XPO1: variants seen among roughly 807,000 people sequenced by gnomAD.
The protein encoded by XPO1 is exportin 1.
A neutral mutation model predicts 133.3 loss-of-function variants in XPO1; 5 were observed. The observed-to-expected ratio is 0.04, with a 90% CI of 0.02 to 0.08. The LOEUF is 0.08. XPO1 is among the 10% of genes least tolerant of loss of function. XPO1 has a pLI of 1.00. For synonymous variants in XPO1, 419 were observed against 408.2 expected (o/e 1.03, Z -0.32); for missense variants, 506 against 1,267.5 (o/e 0.40, Z 9.12).
intron 23 of XPO1, 120 bp downstream of exon 23, chr2:61,482,260 T>G: frequency 1.1e-6 from 1 of 900,928 alleles, no homozygotes; most frequent in Non-Finnish European, 1.7e-6. Flanking sequence ...TCTAGGTTGG[T>G]CTCCAACTTT....
intron 12 of XPO1, chr2:61,493,305 G>C: frequency 3.0e-6 from 1 of 331,920 alleles, no homozygotes; most frequent in Non-Finnish European, 5.4e-6. Context: ...GGGGCTTAAA[G>C]CACAACAGAA....
chr2:61,490,903 C>T, intron 16 of XPO1, 127 bp from the exon 17 acceptor site: 1 of 1,182,922 alleles, frequency 8.5e-7, no homozygotes, highest in South Asian at 1.5e-5. Flanking sequence ...TCCTGTAATC[C>T]CAATACTTTG....
At chr2:61,534,155 T>C in intron 1 of XPO1, 1 of 304,408 alleles carries the variant, frequency 3.3e-6, no homozygotes, top group East Asian at 5.9e-5. Context: ...AGGAAGACTT[T>C]CCTATTCTAC....
In XPO1 at chr2:61,528,733, TTATATATATA is replaced by T. The variant is rs10528074; in HGVS notation, c.127-2222_127-2213del. 9.9e-3 allele frequency among the ~76,000 whole-genome samples: 1,142 copies of T among 115,600 alleles called. 15 individuals carry two copies. The highest frequency in any genetic ancestry group is 0.021 in the East Asian group (89 of 4,166). The allele number at this position is 115,600 out of a possible 152,430, so 75.8% of individuals were successfully genotyped here. A position where few individuals can be genotyped will look rare whatever the true frequency, so the allele number is the denominator to read the frequency against. ...AGATCCAGCCATGTCGACATTTTAT[TTATATATATA>T]TATATATATATATATATATATATAT... On this transcript the variant is annotated intron_variant, in intron 2 of 24. Transcript: ENST00000401558.
At position 61,496,917 on chromosome 2, in the gene XPO1, C is replaced by T. The variant is rs1697267770; in HGVS notation, c.850G>A (p.Val284Ile). 1 of 1,611,768 alleles carries T rather than the reference C, an allele frequency of 6.2e-7. No homozygotes were observed. Among genetic ancestry groups the T allele is most frequent in the Non-Finnish European group, 8.5e-7 (1 of 1,179,418 alleles). The change falls in exon 10 of 25, where the codon GTA becomes ATA. Residue 284 changes from valine to isoleucine, a missense_variant. Physicochemically the swap from Val to Ile is conservative, Grantham distance 29. Transcript: ENST00000401558. ...ATCATTGTCAGAGTAAATAGTGTTACAAATTGTTCTTCATATTGGCTTACA... is the reference window on the plus strand; with the variant it reads ...ATCATTGTCAGAGTAAATAGTGTTATAAATTGTTCTTCATATTGGCTTACA... ...VSVSQYEEQF[V>I]TLFTLTMMQL...
chr2:61,482,113 C>T (rs1696410441), intron 23 of XPO1, among the ~76,000 whole-genome samples: 1 of 149,050 alleles, frequency 6.7e-6, no homozygotes, highest in African/African-American at 2.5e-5. Context: ...TACAGTGGTG[C>T]GATCATAGCT....
intron 20 of XPO1, 28 bp from the exon 21 acceptor site, chr2:61,484,133 A>G (rs1490769935): frequency 1.3e-6 from 2 of 1,581,184 alleles, no homozygotes; most frequent in East Asian, 2.2e-5. Flanking sequence ...AAACAAAATA[A>G]TGTTTCAGTG....
chr2:61,502,560 A>C (rs12612677), intron 4 of XPO1: 218,553 of 349,494 alleles, frequency 0.63, 68,737 homozygotes, highest in Middle Eastern at 0.74. Flanking sequence ...CGAGACCAGC[A>C]TGACCAACAT....
At chr2:61,501,733 A>G (rs917795015) in intron 6 of XPO1, among the ~76,000 whole-genome samples, 4 of 137,722 alleles carry the variant, frequency 2.9e-5, no homozygotes, top group Non-Finnish European at 4.6e-5. Flanking sequence ...AAAAAAAAAA[A>G]AAAAGAAAAG....
intron 4 of XPO1, among the ~76,000 whole-genome samples, chr2:61,513,356 A>G (rs977415339): frequency 7.7e-6 from 1 of 129,818 alleles, no homozygotes; most frequent in Non-Finnish European, 1.6e-5. Flanking sequence ...GAAAACGTAC[A>G]GAATATCTTT....
At chr2:61,506,960 T>C (rs970452129) in intron 4 of XPO1, among the ~76,000 whole-genome samples, 15 of 152,210 alleles carry the variant, frequency 9.9e-5, no homozygotes, top group African/African-American at 3.6e-4. Flanking sequence ...CCGGGCGCGG[T>C]GGCTCACACC....
chr2:61,486,402 G>C (rs765284257), intron 19 of XPO1, among the ~76,000 whole-genome samples: 6 of 152,096 alleles, frequency 3.9e-5, no homozygotes, highest in Non-Finnish European at 7.4e-5. Flanking sequence ...TTAGGTGGCA[G>C]AATCAGGATT....
chr2:61,491,572 A>G (rs185809572), intron 16 of XPO1, among the ~76,000 whole-genome samples: 1 of 151,986 alleles, frequency 6.6e-6, no homozygotes, highest in African/African-American at 2.4e-5. Context: ...ACAGCCTAAC[A>G]ATCTTCTGGT....
At chr2:61,522,542 A>C in intron 4 of XPO1, 69 bp downstream of exon 4, 2 of 1,370,470 alleles carry the variant, frequency 1.5e-6, no homozygotes, top group Non-Finnish European at 2.1e-6. Context: ...ATGCCCCCTC[A>C]AACAGTCAAC....
intron 3 of XPO1, 58 bp from the exon 4 acceptor site, chr2:61,522,741 A>C: frequency 2.4e-6 from 3 of 1,261,818 alleles, no homozygotes; most frequent in Non-Finnish European, 3.4e-6. Context: ...GGCAACTCTC[A>C]GGATTCACAA....
chr2:61,478,338 C>T lies in XPO1; in HGVS notation c.*482G>A, dbSNP rs1194834240. The T allele has an allele frequency of 8.5e-6, 2 of 235,096 alleles. No individual in the cohort carries two copies. The highest frequency in any genetic ancestry group is 5.6e-5 in the Admixed American group (1 of 17,864). The allele number at this position is 235,096 out of a possible 1,614,324, so 14.6% of individuals were successfully genotyped here. A position where few individuals can be genotyped will look rare whatever the true frequency, so the allele number is the denominator to read the frequency against. On this transcript the variant is annotated 3_prime_UTR_variant, in exon 25 of 25. Coordinates refer to ENST00000401558, the MANE Select transcript of XPO1 (RefSeq NM_003400.4). Reference sequence around the variant, plus strand: ...ATACATGTAGTCTAGACAAACGATTCAGTCCAAGAGGTGCTAACTTCAGAC... The same window carrying T: ...ATACATGTAGTCTAGACAAACGATTTAGTCCAAGAGGTGCTAACTTCAGAC...
chr2:61,513,515 C>T (rs980563670), intron 4 of XPO1, among the ~76,000 whole-genome samples: 1 of 151,628 alleles, frequency 6.6e-6, no homozygotes, highest in Admixed American at 6.6e-5. Context: ...AGTAGACATG[C>T]GGTTTCACCC....
At chr2:61,483,801 AG>A (rs1696534507) in intron 21 of XPO1, 135 bp downstream of exon 21, 1 of 993,956 alleles carries the variant, frequency 1.0e-6, no homozygotes. Flanking sequence ...AACTGCTTAT[AG>A]GATTTTCTCA....
At chr2:61,525,941 T>C (rs1273997018) in intron 3 of XPO1, 1 of 1,053,406 alleles carries the variant, frequency 9.5e-7, no homozygotes, top group Non-Finnish European at 1.1e-6. Flanking sequence ...TGTTCAAACT[T>C]AAAAAAGGAC....
Sources: gnomAD v4.1 joint callset for allele counts (sites outside exome capture counted in the v4.1 genomes callset) on GRCh38, gnomAD v4.1.1 for gene constraint, MANE v1.5 for transcripts, NCBI Gene and HGNC (gene_info 2026-07-23, HGNC 2026-07-21) for gene names.